SLC6A6: variants seen among roughly 807,000 people sequenced by gnomAD.
SLC6A6 encodes the protein solute carrier family 6 member 6.
A neutral mutation model predicts 68.8 loss-of-function variants in SLC6A6; 16 were observed. The ratio of observed to expected loss-of-function variants is 0.23; its 90% confidence interval spans 0.16 to 0.35. The LOEUF (loss-of-function observed/expected upper bound fraction) is 0.35, where lower values mean the gene tolerates loss of function less well. SLC6A6 is among the 10% of genes least tolerant of loss of function. SLC6A6 has a pLI of 1.00. For missense variants in SLC6A6, 474 were observed against 802.8 expected (o/e 0.59, Z 4.95); for synonymous variants, 312 against 315.4 (o/e 0.99, Z 0.12).
Position 14,468,255 on chromosome 3 carries a change from A to C in SLC6A6, c.1096+43A>C, listed in dbSNP as rs762526365. 6.3e-7 allele frequency: 1 copy of C among 1,578,484 alleles called. No homozygotes were observed. The highest frequency in any genetic ancestry group is 1.4e-5 in the African/African-American group (1 of 73,056). ...GCAGTGGTGGTGGGCACTGCCACCTAGTGTGTAAGCCAAGTACTGCAGGCA... is the reference window on the plus strand; with the variant it reads ...GCAGTGGTGGTGGGCACTGCCACCTCGTGTGTAAGCCAAGTACTGCAGGCA... On this transcript the variant is annotated intron_variant, in intron 9 of 14. Coordinates refer to ENST00000622186, the MANE Select transcript of SLC6A6 (RefSeq NM_003043.6). The surrounding 1 kb of genome is among the most constrained non-coding windows in gnomAD (Gnocchi z 4.5).
chr3:14,473,065 C>G (rs1370287035), intron 10 of SLC6A6, among the ~76,000 whole-genome samples: 1 of 152,204 alleles, frequency 6.6e-6, no homozygotes, highest in Non-Finnish European at 1.5e-5. Flanking sequence ...TGACTCATGG[C>G]CAGGGAATGC....
chr3:14,471,870 G>A (rs543862637), intron 9 of SLC6A6, among the ~76,000 whole-genome samples: 3 of 152,350 alleles, frequency 2.0e-5, no homozygotes, highest in Admixed American at 2.0e-4. Context: ...CTTTGCTTTG[G>A]GGTGGGAGGA....
chr3:14,407,392 A>G (rs774946249), intron 1 of SLC6A6, among the ~76,000 whole-genome samples: 4 of 152,156 alleles, frequency 2.6e-5, no homozygotes, highest in Non-Finnish European at 5.9e-5. Flanking sequence ...GAGTTTTGAC[A>G]AATGTATACA....
chr3:14,421,331 AG>A (rs569615038), intron 2 of SLC6A6, among the ~76,000 whole-genome samples: 232 of 152,274 alleles, frequency 1.5e-3, no homozygotes, highest in African/African-American at 5.4e-3. Flanking sequence ...ACCTGAGCTC[AG>A]GGGTCCCGTG....
intron 2 of SLC6A6, among the ~76,000 whole-genome samples, chr3:14,424,541 A>G: frequency 6.7e-6 from 1 of 148,540 alleles, no homozygotes; most frequent in Non-Finnish European, 1.5e-5. Context: ...TGGGGAGGGG[A>G]GAGGAGCTGC....
At chr3:14,414,054 A>AAAG (rs1220583662) in intron 1 of SLC6A6, among the ~76,000 whole-genome samples, 4 of 152,004 alleles carry the variant, frequency 2.6e-5, no homozygotes, top group Non-Finnish European at 5.9e-5. Context: ...TTTTAACTTA[A>AAAG]AAGCCTGGGG....
chr3:14,445,983 C>T, intron 4 of SLC6A6, 132 bp downstream of exon 4: 1 of 859,470 alleles, frequency 1.2e-6, no homozygotes, highest in Non-Finnish European at 1.8e-6. Context: ...CACAAGATAG[C>T]AGCCAGTACA....
rs1700107275 is a variant in SLC6A6 at position 14,445,799 on chromosome 3, C to T, written c.312C>T (p.Tyr104=). 1 of 1,613,988 alleles carries T rather than the reference C, an allele frequency of 6.2e-7. No individual in the cohort carries two copies. The highest frequency in any genetic ancestry group is 2.2e-5 in the East Asian group (1 of 44,898). The change falls in exon 4 of 15, where the codon TAC becomes TAT. Residue 104 remains tyrosine (Y), a synonymous_variant. Coordinates refer to ENST00000622186, the MANE Select transcript of SLC6A6 (RefSeq NM_003043.6). ...TCTTGGAGATCATCATAGGCCAGTA[C>T]ACCTCTGAAGGGGGCATCACCTGCT... ...VFFLEIIIGQ[Y]TSEGGITCWE...
chr3:14,424,611 G>A (rs1197224280), intron 2 of SLC6A6, among the ~76,000 whole-genome samples: 4 of 152,106 alleles, frequency 2.6e-5, no homozygotes, highest in Non-Finnish European at 5.9e-5. Context: ...CAGAGTGGTT[G>A]GTCTTGATTC....
chr3:14,415,065 A>G (rs867078494), intron 1 of SLC6A6, among the ~76,000 whole-genome samples: 6 of 152,194 alleles, frequency 3.9e-5, no homozygotes, highest in Middle Eastern at 3.2e-3. Context: ...CCCAGACTTC[A>G]CAGAGCCTAG....
chr3:14,438,283 C>T (rs28595541), intron 2 of SLC6A6, among the ~76,000 whole-genome samples: 5,387 of 151,602 alleles, frequency 0.036, 282 homozygotes, highest in African/African-American at 0.12. Context: ...TGCTGAATAA[C>T]ATTAGGCAGC....
chr3:14,408,893 G>A (rs184086648), intron 1 of SLC6A6, among the ~76,000 whole-genome samples: 2,079 of 151,916 alleles, frequency 0.014, 47 homozygotes, highest in African/African-American at 0.047. Flanking sequence ...TGCAAGCTCC[G>A]CCTCCTGGGT....
In SLC6A6 at chr3:14,447,686, C is replaced by G. The variant is rs746949208; in HGVS notation, c.469C>G (p.Leu157Val). 17 of 1,614,140 alleles carry G rather than the reference C, an allele frequency of 1.1e-5. No individual in the cohort carries two copies. The highest frequency in any genetic ancestry group is 4.0e-5 in the African/African-American group (3 of 74,942). ...CCTGTTCCAGTCCTTCCAGAAGGAG[C>G]TGCCCTGGGCACACTGCAACCACAG... ...YYLFQSFQKE[L>V]PWAHCNHSWN... is the part of the protein sequence containing the mutation. The change falls in exon 5 of 15, where the codon CTG becomes GTG. Residue 157 changes from leucine (L) to valine (V), a missense_variant. Leu to Val is a conservative substitution (Grantham distance 32). Around this residue, in one of 2 missense-constraint regions of SLC6A6, gnomAD observed 280 missense variants for 533.1 expected, o/e 0.53. Coordinates refer to ENST00000622186, the MANE Select transcript of SLC6A6 (RefSeq NM_003043.6).
chr3:14,484,956 G>GTCT lies in SLC6A6; in HGVS notation c.1812_1813insTCT (p.Met604_Asn605insSer). On this transcript the variant is annotated inframe_insertion, in exon 15 of 15. Coordinates refer to ENST00000622186, the MANE Select transcript of SLC6A6 (RefSeq NM_003043.6). The stretch of plus-strand genomic sequence containing the variant: ...CACCTTACAACTCTCGCACCGTCAT[G>GTCT]AACGGCGCTCTCGTGAAACCGACCC... The GTCT allele has an allele frequency of 6.2e-7, 1 of 1,613,258 alleles. No individual in the cohort carries two copies. The highest frequency in any genetic ancestry group is 8.5e-7 in the Non-Finnish European group (1 of 1,179,926).
At chr3:14,465,980 G>A (rs1375447002) in intron 6 of SLC6A6, among the ~76,000 whole-genome samples, 1 of 152,190 alleles carries the variant, frequency 6.6e-6, no homozygotes, top group Non-Finnish European at 1.5e-5. Context: ...TCTGTGAGGT[G>A]GGCTGGCGCT....
intron 5 of SLC6A6, among the ~76,000 whole-genome samples, chr3:14,453,582 G>A (rs1250475592): frequency 6.6e-6 from 1 of 152,210 alleles, no homozygotes; most frequent in East Asian, 1.9e-4. Flanking sequence ...GCACCTATTA[G>A]GTACCAGGCA....
At chr3:14,403,805 G>A (rs1574898794) in intron 1 of SLC6A6, among the ~76,000 whole-genome samples, 1 of 152,306 alleles carries the variant, frequency 6.6e-6, no homozygotes, top group East Asian at 1.9e-4. Context: ...GAATTCCAGG[G>A]ACCTCCTCCT....
At chr3:14,426,333 C>A (rs192321459) in intron 2 of SLC6A6, among the ~76,000 whole-genome samples, 186 of 152,290 alleles carry the variant, frequency 1.2e-3, no homozygotes, top group African/African-American at 3.5e-3. Context: ...AAGTCCCCCC[C>A]CAGCCATCCC....
At position 14,402,743 on chromosome 3, in the gene SLC6A6, C is replaced by A; in HGVS notation, c.-158C>A. On this transcript the variant is annotated 5_prime_UTR_variant, in exon 1 of 15. Coordinates refer to ENST00000622186, the MANE Select transcript of SLC6A6 (RefSeq NM_003043.6). This position sits in a 1 kb window ranked among gnomAD's most constrained non-coding sequence, Gnocchi z 4.8. ...GGACAAGCTGCGCCAAGAGGGAGTGCGGAGCGTTCACCCAGCGGGTCAGAG... is the reference window on the plus strand; with the variant it reads ...GGACAAGCTGCGCCAAGAGGGAGTGAGGAGCGTTCACCCAGCGGGTCAGAG... The A allele has an allele frequency of 2.5e-6, 1 of 398,150 alleles. No homozygotes were observed. Among genetic ancestry groups the A allele is most frequent in the African/African-American group, 2.1e-5 (1 of 48,732 alleles). 24.7% of individuals were successfully genotyped at this position (398,150 alleles called of 1,614,324 possible). A position where few individuals can be genotyped will look rare whatever the true frequency, so the allele number is the denominator to read the frequency against.
Sources: gnomAD v4.1 joint callset for allele counts (sites outside exome capture counted in the v4.1 genomes callset) on GRCh38, gnomAD v4.1.1 for gene constraint, gnomAD v4.1.1 regional missense constraint, Gnocchi (gnomAD v3.1) non-coding constraint, MANE v1.5 for transcripts, NCBI Gene and HGNC (gene_info 2026-07-23, HGNC 2026-07-21) for gene names.